NHSL1: variants seen among roughly 807,000 people sequenced by gnomAD.
The protein encoded by NHSL1 is NHS like 1.
In NHSL1, 48 loss-of-function variants were observed where a neutral mutation model predicts 95.0. The observed-to-expected ratio is 0.51, with a 90% CI of 0.40 to 0.64. NHSL1 has a LOEUF of 0.64. Ranked by LOEUF, NHSL1 falls within the 30% of genes least tolerant of loss-of-function variation. The pLI is 0.00. For missense variants in NHSL1, 1,971 were observed against 2,077.7 expected (o/e 0.95, Z 1.00); for synonymous variants, 783 against 833.9 (o/e 0.94, Z 1.05).
chr6:138,478,216 G>A (rs1352641500), intron 2 of NHSL1, among the ~76,000 whole-genome samples: 3 of 151,594 alleles, frequency 2.0e-5, no homozygotes, highest in Non-Finnish European at 4.4e-5. Flanking sequence ...CCTGACCTCA[G>A]GTGATCTGCC....
At chr6:138,657,564 A>G (rs1785171744) in intron 1 of NHSL1, among the ~76,000 whole-genome samples, 1 of 152,176 alleles carries the variant, frequency 6.6e-6, no homozygotes, top group African/African-American at 2.4e-5. Flanking sequence ...CTGTAATCCC[A>G]GCACTTTGGG....
At chr6:138,657,545 G>T (rs1388603560) in intron 1 of NHSL1, among the ~76,000 whole-genome samples, 1 of 152,068 alleles carries the variant, frequency 6.6e-6, no homozygotes, top group Non-Finnish European at 1.5e-5. Context: ...TGGGCGCGGT[G>T]GCTCATGCCT....
chr6:138,442,772 A>G (rs1355241053), intron 4 of NHSL1, among the ~76,000 whole-genome samples: 2 of 152,196 alleles, frequency 1.3e-5, no homozygotes, highest in East Asian at 3.9e-4. Flanking sequence ...TACTTTTTAA[A>G]GTTGATCTTA....
chr6:138,557,514 G>T (rs917595844), intron 1 of NHSL1, among the ~76,000 whole-genome samples: 2 of 152,210 alleles, frequency 1.3e-5, no homozygotes, highest in Non-Finnish European at 2.9e-5. Context: ...TCCAGCAAAA[G>T]TGAAATACAA....
intron 1 of NHSL1, among the ~76,000 whole-genome samples, chr6:138,519,703 A>G (rs59555843): frequency 2.2e-3 from 333 of 152,330 alleles, no homozygotes; most frequent in African/African-American, 7.7e-3. Context: ...GAAAGGATAC[A>G]TCTTCACACA....
intron 1 of NHSL1, among the ~76,000 whole-genome samples, chr6:138,604,298 A>G (rs552294774): frequency 6.6e-6 from 1 of 152,238 alleles, no homozygotes; most frequent in East Asian, 1.9e-4. Context: ...AGAATGCCAG[A>G]GGCTTCCCTG....
chr6:138,524,635 A>G (rs2128311324), intron 1 of NHSL1, among the ~76,000 whole-genome samples: 1 of 152,250 alleles, frequency 6.6e-6, no homozygotes, highest in Non-Finnish European at 1.5e-5. Context: ...GGAATAGTGC[A>G]CTATGAACAT....
chr6:138,579,947 A>G (rs1210956786), intron 1 of NHSL1, among the ~76,000 whole-genome samples: 2 of 152,190 alleles, frequency 1.3e-5, no homozygotes, highest in Non-Finnish European at 2.9e-5. Flanking sequence ...CATGCTAAAT[A>G]TATGTGACAC....
rs564869521 is a variant in NHSL1 at position 138,446,213 on chromosome 6, T to C, written c.532+788A>G. 2.0e-5 allele frequency among the ~76,000 whole-genome samples: 3 copies of C among 152,178 alleles called. No homozygotes were observed. In the South Asian group the frequency reaches 6.2e-4, roughly 32 times the overall value. On this transcript the variant is annotated intron_variant, in intron 4 of 7. Coordinates refer to ENST00000343505, the MANE Select transcript of NHSL1 (RefSeq NM_001144060.2). ...CCACCACGCCCTGCTAATTTTGTAT[T>C]TTTAGTACAGACAGGGTTTCACCAC...
At chr6:138,591,149 A>G (rs1423929221) in intron 1 of NHSL1, among the ~76,000 whole-genome samples, 1 of 152,236 alleles carries the variant, frequency 6.6e-6, no homozygotes, top group African/African-American at 2.4e-5. Flanking sequence ...GAGAATGTGC[A>G]GGATATAATC....
upstream of NHSL1, among the ~76,000 whole-genome samples, chr6:138,504,493 G>C (rs1009681180): frequency 2.6e-5 from 4 of 152,208 alleles, no homozygotes; most frequent in African/African-American, 9.6e-5. Flanking sequence ...AGAGTACAGA[G>C]AAGAGACTCT....
At chr6:138,479,218 A>G (rs1287298208) in intron 2 of NHSL1, among the ~76,000 whole-genome samples, 3 of 152,104 alleles carry the variant, frequency 2.0e-5, no homozygotes, top group Non-Finnish European at 4.4e-5. Flanking sequence ...CTTTTTCACA[A>G]TTTCTCAGAT....
intron 2 of NHSL1, among the ~76,000 whole-genome samples, chr6:138,491,034 CTCCTA>C (rs1322070872): frequency 6.6e-6 from 1 of 152,186 alleles, no homozygotes; most frequent in Non-Finnish European, 1.5e-5. Flanking sequence ...AAATTCTCAA[CTCCTA>C]TCCTTTCAGG....
intron 1 of NHSL1, among the ~76,000 whole-genome samples, chr6:138,659,115 T>C (rs929662514): frequency 6.8e-6 from 1 of 147,536 alleles, no homozygotes; most frequent in Non-Finnish European, 1.5e-5. Context: ...AGTGGCAAGA[T>C]CTTGGCTCAC....
intron 1 of NHSL1, among the ~76,000 whole-genome samples, chr6:138,654,697 T>C (rs1459719914): frequency 1.3e-5 from 2 of 152,142 alleles, no homozygotes; most frequent in African/African-American, 4.8e-5. Context: ...CATATTTTGT[T>C]TTTTAAATCC....
At chr6:138,610,845 A>G (rs1206321415) in intron 1 of NHSL1, among the ~76,000 whole-genome samples, 1 of 152,140 alleles carries the variant, frequency 6.6e-6, no homozygotes, top group Non-Finnish European at 1.5e-5. Flanking sequence ...TGGGAGGCTG[A>G]GATGAGTGGA....
At chr6:138,605,285 G>C (rs1196064988) in intron 1 of NHSL1, among the ~76,000 whole-genome samples, 2 of 152,120 alleles carry the variant, frequency 1.3e-5, no homozygotes, top group African/African-American at 4.8e-5. Flanking sequence ...GAGTGCAGTG[G>C]TATTATCACA....
intron 2 of NHSL1, among the ~76,000 whole-genome samples, chr6:138,478,047 T>C (rs1408473599): frequency 9.1e-6 from 1 of 109,804 alleles, no homozygotes; most frequent in Non-Finnish European, 1.9e-5. Flanking sequence ...TTTTTGAGAC[T>C]GAGTTTCGCT....
chr6:138,512,415 C>G (rs1365106356), intron 1 of NHSL1: 2 of 426,626 alleles, frequency 4.7e-6, no homozygotes, highest in African/African-American at 4.1e-5. Context: ...GGATAAAATT[C>G]ACTTCTTTGC....
Sources: gnomAD v4.1 joint callset for allele counts (sites outside exome capture counted in the v4.1 genomes callset) on GRCh38, gnomAD v4.1.1 for gene constraint, MANE v1.5 for transcripts, NCBI Gene and HGNC (gene_info 2026-07-23, HGNC 2026-07-21) for gene names.